Variants in PIK3R5 observed in about 807,000 individuals in gnomAD.
PIK3R5 encodes the protein phosphoinositide 3-kinase regulatory subunit 5.
In PIK3R5, 32 loss-of-function variants were observed where a neutral mutation model predicts 94.9. The observed-to-expected ratio is 0.34, with a 90% CI of 0.25 to 0.45. PIK3R5 has a LOEUF of 0.45. PIK3R5 is among the 20% of genes least tolerant of loss of function. PIK3R5 has a pLI of 1.00. For synonymous variants in PIK3R5, 443 were observed against 479.4 expected (o/e 0.92, Z 0.99); for missense variants, 853 against 1,144.6 (o/e 0.75, Z 3.68).
At position 8,889,146 on chromosome 17, in the gene PIK3R5, G is replaced by A. The variant is rs1221650192; in HGVS notation, c.888C>T (p.Asp296=). 2 of 1,613,756 alleles carry A rather than the reference G, an allele frequency of 1.2e-6. No individual in the cohort carries two copies. The highest frequency in any genetic ancestry group is 1.7e-5 in the Admixed American group (1 of 59,982). The change falls in exon 9 of 19, where the codon GAC becomes GAT. Residue 296 remains aspartate, a synonymous_variant. Coordinates refer to ENST00000447110, the MANE Select transcript of PIK3R5 (RefSeq NM_001142633.3). This position sits in a 1 kb window ranked among gnomAD's most constrained non-coding sequence, Gnocchi z 4.1. ...AGGGCCCCGGCTCCTTACCAAAGCT[G>A]TCCTGGCTCCAGCTGTAGGTGTAGC... ...ARCYTYSWSQ[D]SFDILQEILL...
intron 5 of PIK3R5, among the ~76,000 whole-genome samples, chr17:8,898,570 A>T (rs2090206095): frequency 6.6e-6 from 1 of 152,182 alleles, no homozygotes; most frequent in Non-Finnish European, 1.5e-5. Context: ...ATAAATGTCG[A>T]GCCTTCAGTT....
intron 1 of PIK3R5, among the ~76,000 whole-genome samples, chr17:8,913,827 A>T (rs2090578385): frequency 6.6e-6 from 1 of 152,226 alleles, no homozygotes; most frequent in South Asian, 2.1e-4. Flanking sequence ...TGACTTTTAC[A>T]GTTGCCTTTG....
At position 8,890,977 on chromosome 17, in the gene PIK3R5, C is replaced by T. The variant is rs1029567069; in HGVS notation, c.483-65G>A. 1.3e-6 allele frequency: 2 copies of T among 1,488,346 alleles called. No homozygotes were observed. The highest frequency in any genetic ancestry group is 9.1e-7 in the Non-Finnish European group (1 of 1,096,444). The allele number at this position is 1,488,346 out of a possible 1,614,324, so 92.2% of individuals were successfully genotyped here. On this transcript the variant is annotated intron_variant, in intron 6 of 18. Transcript: ENST00000447110. This position sits in a 1 kb window ranked among gnomAD's most constrained non-coding sequence, Gnocchi z 6.1. Reference sequence around the variant, plus strand: ...GCAGCATGCCACAGTGCAGCCACCCCCCTCGTGCCTGCTGGTGCTCAGCTC... The same window carrying T: ...GCAGCATGCCACAGTGCAGCCACCCTCCTCGTGCCTGCTGGTGCTCAGCTC...
At position 8,881,256 on chromosome 17, in the gene PIK3R5, G is replaced by A. The variant is rs546212583; in HGVS notation, c.2383-239C>T. Among the ~76,000 whole-genome samples, 1 of 152,202 alleles carries A rather than the reference G, an allele frequency of 6.6e-6. No homozygotes were observed. Among genetic ancestry groups the A allele is most frequent in the African/African-American group, 2.4e-5 (1 of 41,528 alleles). The stretch of plus-strand genomic sequence containing the variant: ...GTGCCCCCTGAGGAGACATTGCCCT[G>A]CCTGCTGCCCTCACCGGAGCAGCCC... On this transcript the variant is annotated intron_variant, in intron 17 of 18. Transcript: ENST00000447110. The surrounding 1 kb of genome is among the most constrained non-coding windows in gnomAD (Gnocchi z 4.8).
chr17:8,886,440 G>A (rs1361359995), intron 13 of PIK3R5, 37 bp downstream of exon 13: 1 of 1,599,092 alleles, frequency 6.3e-7, no homozygotes, highest in Non-Finnish European at 8.5e-7. Flanking sequence ...AGGCCCGGCA[G>A]GTGGGGAAGA....
chr17:8,956,139 T>C (rs1294621566), intron 1 of PIK3R5, among the ~76,000 whole-genome samples: 1 of 151,808 alleles, frequency 6.6e-6, no homozygotes, highest in Non-Finnish European at 1.5e-5. Flanking sequence ...CCAGTCTGGG[T>C]GACAGAGTGA....
chr17:8,899,535 C>T (rs2090229015), intron 5 of PIK3R5, among the ~76,000 whole-genome samples: 1 of 152,224 alleles, frequency 6.6e-6, no homozygotes, highest in African/African-American at 2.4e-5. Context: ...GAAACGGAAG[C>T]TCACAAGCTA....
chr17:8,902,960 C>G (rs1018649441), intron 5 of PIK3R5, among the ~76,000 whole-genome samples: 13 of 151,812 alleles, frequency 8.6e-5, no homozygotes, highest in Non-Finnish European at 1.8e-4. Context: ...ATTCTCCTGC[C>G]TCAGCCTCCT....
chr17:8,883,713 C>T (rs1255375350), intron 15 of PIK3R5, among the ~76,000 whole-genome samples: 1 of 152,232 alleles, frequency 6.6e-6, no homozygotes, highest in African/African-American at 2.4e-5. Context: ...TCCCGTGTCC[C>T]TCTCCTCATC....
chr17:8,937,071 G>C (rs1442942985), intron 1 of PIK3R5, among the ~76,000 whole-genome samples: 1 of 152,072 alleles, frequency 6.6e-6, no homozygotes, highest in East Asian at 1.9e-4. Flanking sequence ...TGGTATATAG[G>C]CAAGCACTTG....
Position 8,890,067 on chromosome 17 carries a change from C to T in PIK3R5, c.717G>A (p.Leu239=). The T allele has an allele frequency of 6.8e-6, 11 of 1,614,028 alleles. No individual in the cohort carries two copies. Among genetic ancestry groups the T allele is most frequent in the Non-Finnish European group, 9.3e-6 (11 of 1,179,954 alleles). ...CTGCAGCATCCCCGATGCCAGATGC[C>T]AGCTCCTGTGCCTCTGCGGTCTCCG... The part of the protein sequence containing the change: ...IFTETAEAQE[L]ASGIGDAAEA... Residue 239 remains leucine, a synonymous_variant, in exon 8 of 19, where the codon CTG becomes CTA. Transcript: ENST00000447110. The surrounding 1 kb of genome is among the most constrained non-coding windows in gnomAD (Gnocchi z 6.1).
intron 1 of PIK3R5, among the ~76,000 whole-genome samples, chr17:8,919,758 A>G (rs1301609316): frequency 6.6e-6 from 1 of 152,110 alleles, no homozygotes; most frequent in Non-Finnish European, 1.5e-5. Flanking sequence ...AACATAGACA[A>G]ATGTGTGGAA....
intron 1 of PIK3R5, among the ~76,000 whole-genome samples, chr17:8,928,484 A>C (rs1286752796): frequency 6.6e-6 from 1 of 152,250 alleles, no homozygotes; most frequent in Non-Finnish European, 1.5e-5. Context: ...ACTAAAGACA[A>C]AGAAAAAATC....
chr17:8,887,255 C>T (rs765848783), intron 11 of PIK3R5, 34 bp from the exon 12 acceptor site: 16 of 1,611,148 alleles, frequency 9.9e-6, no homozygotes, highest in East Asian at 4.5e-5. Context: ...CATCCCAGCT[C>T]CCCAGGAGGC....
chr17:8,957,716 T>C (rs1567675255), intron 1 of PIK3R5, among the ~76,000 whole-genome samples: 1 of 152,254 alleles, frequency 6.6e-6, no homozygotes, highest in East Asian at 1.9e-4. Context: ...GAATCAAAGA[T>C]GGCTCTCGGG....
At chr17:8,899,605 G>T in intron 5 of PIK3R5, among the ~76,000 whole-genome samples, 1 of 152,138 alleles carries the variant, frequency 6.6e-6, no homozygotes, top group Non-Finnish European at 1.5e-5. Flanking sequence ...CAAGTACAAT[G>T]GTCTGGTCCC....
At chr17:8,923,307 T>C (rs1037496254) in intron 1 of PIK3R5, among the ~76,000 whole-genome samples, 4 of 152,184 alleles carry the variant, frequency 2.6e-5, no homozygotes, top group African/African-American at 9.7e-5. Context: ...ATGTACAATG[T>C]CACCTTTTCA....
chr17:8,908,212 G>T (rs973271519), intron 3 of PIK3R5, among the ~76,000 whole-genome samples: 5 of 152,098 alleles, frequency 3.3e-5, no homozygotes, highest in African/African-American at 9.7e-5. Flanking sequence ...TGCTAGATGA[G>T]CCCAGTAGGC....
chr17:8,936,451 T>A (rs2091078338), intron 1 of PIK3R5, among the ~76,000 whole-genome samples: 1 of 152,236 alleles, frequency 6.6e-6, no homozygotes. Context: ...GCCATTCTTC[T>A]TTTTTACTGC....
Sources: gnomAD v4.1 joint callset for allele counts (sites outside exome capture counted in the v4.1 genomes callset) on GRCh38, gnomAD v4.1.1 for gene constraint, Gnocchi (gnomAD v3.1) non-coding constraint, MANE v1.5 for transcripts, NCBI Gene and HGNC (gene_info 2026-07-23, HGNC 2026-07-21) for gene names.